KIAA0319: variants seen among roughly 807,000 people sequenced by gnomAD.
KIAA0319 encodes dyslexia-associated protein KIAA0319.
In KIAA0319, 83 loss-of-function variants were observed where a neutral mutation model predicts 108.4. The ratio of observed to expected loss-of-function variants is 0.77; its 90% CI spans 0.64 to 0.92. KIAA0319 has a LOEUF of 0.92. KIAA0319 is among the 40% of genes least tolerant of loss of function. The pLI, the probability that KIAA0319 is intolerant of heterozygous loss-of-function variation, is 0.00. For missense variants in KIAA0319, 1,195 were observed against 1,322.4 expected, an observed-to-expected ratio of 0.90 and a Z score of 1.49; for synonymous variants, 484 against 510.4, an observed-to-expected ratio of 0.95 and a Z score of 0.70.
chr6:24,596,242 T>C lies in KIAA0319; in HGVS notation c.432A>G (p.Leu144=). 6.2e-7 allele frequency: 1 copy of C among 1,614,192 alleles called. No individual in the cohort carries two copies. The highest frequency in any genetic ancestry group is 1.3e-5 in the African/African-American group (1 of 75,048). Residue 144 remains leucine, a synonymous_variant, in exon 3 of 21, where the codon CTA becomes CTG. Transcript: ENST00000378214. ...PEDIRKDLTF[L]GKDWGLEEMS... ...TCTCCTCTAGGCCCCAATCTTTGCC[T>C]AGAAAGGTCAAGTCCTTTCTGATAT...
chr6:24,585,615 C>A (rs115238140), intron 4 of KIAA0319, among the ~76,000 whole-genome samples: 1 of 152,110 alleles, frequency 6.6e-6, no homozygotes, highest in African/African-American at 2.4e-5. Context: ...TCCTCTACCC[C>A]CTCTGGCAAG....
intron 16 of KIAA0319, among the ~76,000 whole-genome samples, chr6:24,563,062 A>G (rs1275667716): frequency 1.3e-5 from 2 of 151,982 alleles, no homozygotes; most frequent in East Asian, 1.9e-4. Flanking sequence ...CATGCTCCAG[A>G]CCCCTTGCCC....
chr6:24,559,366 A>T (rs1762777685), intron 16 of KIAA0319, among the ~76,000 whole-genome samples: 1 of 152,250 alleles, frequency 6.6e-6, no homozygotes. Flanking sequence ...TCAAAGACAG[A>T]CAGATCTTCA....
chr6:24,610,525 T>C (rs1368988203), intron 1 of KIAA0319, among the ~76,000 whole-genome samples: 1 of 152,240 alleles, frequency 6.6e-6, no homozygotes, highest in Non-Finnish European at 1.5e-5. Context: ...TTGGTAGCTC[T>C]TCAAACAGTT....
In KIAA0319 at chr6:24,564,352, C is replaced by T; in HGVS notation, c.2293-12G>A. The T allele has an allele frequency of 1.2e-6, 2 of 1,614,118 alleles. No homozygotes were observed. The highest frequency in any genetic ancestry group is 2.2e-5 in the South Asian group (2 of 91,078). Reference sequence around the variant, plus strand: ...CCATCGATGACATCCTGCGAAAGAACACGGATCACAGGGCAGCTGTCAATC... The same window carrying T: ...CCATCGATGACATCCTGCGAAAGAATACGGATCACAGGGCAGCTGTCAATC... On this transcript the variant is annotated splice_polypyrimidine_tract_variant and intron_variant, in intron 14 of 20. Coordinates refer to ENST00000378214, the MANE Select transcript of KIAA0319 (RefSeq NM_014809.4).
intron 3 of KIAA0319, among the ~76,000 whole-genome samples, chr6:24,595,212 C>T (rs903688872): frequency 6.6e-6 from 1 of 152,140 alleles, no homozygotes; most frequent in Non-Finnish European, 1.5e-5. Context: ...GGTGTATGTG[C>T]TGGCCCCAGG....
chr6:24,540,568 A>G (rs1760163373), downstream of KIAA0319, among the ~76,000 whole-genome samples: 1 of 152,136 alleles, frequency 6.6e-6, no homozygotes, highest in Admixed American at 6.5e-5. Context: ...CTTCAAATAA[A>G]GGAAGCTTTG....
intron 15 of KIAA0319, 129 bp downstream of exon 15, chr6:24,564,073 A>C (rs1048506885): frequency 2.9e-6 from 3 of 1,052,052 alleles, no homozygotes; most frequent in African/African-American, 3.2e-5. Flanking sequence ...ACATCCTCAA[A>C]GTGGGTCCAG....
intron 12 of KIAA0319, among the ~76,000 whole-genome samples, 155 bp downstream of exon 12, chr6:24,569,748 C>G (rs1291628050): frequency 1.3e-5 from 2 of 152,230 alleles, no homozygotes; most frequent in Non-Finnish European, 2.9e-5. Flanking sequence ...TTAATGTACT[C>G]TTCAATCAAT....
chr6:24,617,123 CATA>C (rs1278528299), intron 1 of KIAA0319, among the ~76,000 whole-genome samples: 1 of 151,936 alleles, frequency 6.6e-6, no homozygotes, highest in Admixed American at 6.6e-5. Context: ...GATATAATCT[CATA>C]ATAAGGAACA....
At chr6:24,594,457 C>T (rs1326231950) in intron 3 of KIAA0319, among the ~76,000 whole-genome samples, 3 of 151,502 alleles carry the variant, frequency 2.0e-5, no homozygotes, top group Admixed American at 6.6e-5. Flanking sequence ...GAAAACCCAT[C>T]TCTACTAAAA....
intron 1 of KIAA0319, among the ~76,000 whole-genome samples, chr6:24,630,047 C>T (rs145654056): frequency 0.015 from 2,254 of 152,084 alleles, 151 homozygotes; most frequent in East Asian, 0.13. Context: ...GGCATGGTGG[C>T]GCATGCCTGT....
At chr6:24,616,965 T>A (rs1273623171) in intron 1 of KIAA0319, among the ~76,000 whole-genome samples, 1 of 152,106 alleles carries the variant, frequency 6.6e-6, no homozygotes, top group East Asian at 1.9e-4. Context: ...TTGAATTAAA[T>A]TAATAATAAA....
Position 24,588,644 on chromosome 6 carries a change from C to A in KIAA0319, c.943G>T (p.Glu315Ter). The A allele has an allele frequency of 6.2e-7, 1 of 1,613,990 alleles. No individual in the cohort carries two copies. The highest frequency in any genetic ancestry group is 8.5e-7 in the Non-Finnish European group (1 of 1,179,980). The change falls in exon 4 of 21, where the codon GAG becomes TAG. Residue 315 changes from glutamate to a stop codon, truncating the protein, a stop_gained. Coordinates refer to ENST00000378214, the MANE Select transcript of KIAA0319 (RefSeq NM_014809.4). LOFTEE classifies it high-confidence loss of function. ...ATGGGTAGCTCAGATGGGGTGGACT[C>A]AGAGGGGGCTGCGCTAGTGGGAGGT... ...PTPPTSAAPS[E>*]STPSELPISP...
intron 20 of KIAA0319, 82 bp downstream of exon 20, chr6:24,551,352 C>G (rs1729412479): frequency 1.1e-6 from 1 of 908,624 alleles, no homozygotes; most frequent in African/African-American, 1.6e-5. Context: ...AAATCGTTCT[C>G]CCTCTATCCA....
rs1427183274 is a variant in KIAA0319 at position 24,564,254 on chromosome 6, G to A, written c.2379C>T (p.Thr793=). 1.4e-5 allele frequency: 23 copies of A among 1,614,100 alleles called. No homozygotes were observed. Among genetic ancestry groups the A allele is most frequent in the Non-Finnish European group, 1.9e-5 (22 of 1,180,002 alleles). Reference sequence around the variant, plus strand: ...CTGTGTCCGAGGCCCCCTGACTGTCGGTGACTCGCAAGTGGAAAGTGTACA... The same window carrying A: ...CTGTGTCCGAGGCCCCCTGACTGTCAGTGACTCGCAAGTGGAAAGTGTACA... ...EGVYTFHLRV[T]DSQGASDTDT... is the part of the protein sequence containing the mutation. Residue 793 remains threonine (T), a synonymous_variant, in exon 15 of 21, where the codon ACC becomes ACT. Transcript: ENST00000378214.
At chr6:24,639,891 T>C (rs1582375943) in intron 1 of KIAA0319, among the ~76,000 whole-genome samples, 1 of 148,534 alleles carries the variant, frequency 6.7e-6, no homozygotes, top group East Asian at 2.0e-4. Context: ...GAAAGAAGCA[T>C]TGGTAAGTAA....
Position 24,578,200 on chromosome 6 carries a change from T to C in KIAA0319, c.1415A>G (p.Glu472Gly). 1 of 1,608,610 alleles carries C rather than the reference T, an allele frequency of 6.2e-7. No individual in the cohort carries two copies. Among genetic ancestry groups the C allele is most frequent in the Non-Finnish European group, 8.5e-7 (1 of 1,175,234 alleles). ...CTCTTCTATGAAGGGCCCGTTTATT[T>C]CTTCCCAATGATAACTCACTATTTC... is the stretch of plus-strand genomic sequence containing the variant. The part of the protein sequence containing the change: ...DTEIVSYHWE[E>G]INGPFIEEKT... The change falls in exon 9 of 21, where the codon GAA (glutamate) becomes GGA (glycine). Residue 472 changes from glutamate to glycine, a missense_variant. Transcript: ENST00000378214.
At chr6:24,561,412 T>C (rs1253709570) in intron 16 of KIAA0319, among the ~76,000 whole-genome samples, 1 of 152,248 alleles carries the variant, frequency 6.6e-6, no homozygotes, top group Non-Finnish European at 1.5e-5. Flanking sequence ...TCTTTATTTG[T>C]TATAGGTCTA....
Sources: gnomAD v4.1 joint callset for allele counts (sites outside exome capture counted in the v4.1 genomes callset) on GRCh38, gnomAD v4.1.1 for gene constraint, MANE v1.5 for transcripts, NCBI Gene and HGNC (gene_info 2026-07-23, HGNC 2026-07-21) for gene names.